The following ELAPOR2 variants were observed in gnomAD, a reference collection of about 807,000 sequenced individuals.
ELAPOR2 encodes the protein endosome-lysosome associated apoptosis and autophagy regulator family member 2.
Under a neutral mutation model 120.7 loss-of-function variants are expected in ELAPOR2, and 89 were observed. That is an observed-to-expected ratio of 0.74 (90% CI 0.62 to 0.88). The LOEUF (loss-of-function observed/expected upper bound fraction) is 0.88, where lower values mean the gene tolerates loss of function less well. Ranked by LOEUF, ELAPOR2 falls within the 40% of genes least tolerant of loss-of-function variation. ELAPOR2 has a pLI of 0.00. For synonymous variants in ELAPOR2, 444 were observed against 444.9 expected (o/e 1.00, Z 0.03); for missense variants, 1,134 against 1,251.6 (o/e 0.91, Z 1.42).
intron 2 of ELAPOR2, 54 bp from the exon 3 acceptor site, chr7:86,947,976 C>T: frequency 2.5e-6 from 3 of 1,212,712 alleles, no homozygotes; most frequent in Non-Finnish European, 3.5e-6. Context: ...CAATTTCCTC[C>T]CCTTCATGCT....
intron 10 of ELAPOR2, among the ~76,000 whole-genome samples, chr7:86,920,330 A>G (rs1225986541): frequency 2.0e-5 from 3 of 152,158 alleles, no homozygotes; most frequent in African/African-American, 7.2e-5. Context: ...TTGAATAGCC[A>G]TAAAGCAGTC....
At chr7:86,976,110 T>C (rs1792275690) in intron 1 of ELAPOR2, among the ~76,000 whole-genome samples, 1 of 152,102 alleles carries the variant, frequency 6.6e-6, no homozygotes, top group African/African-American at 2.4e-5. Context: ...ACAGCACTGA[T>C]TCCACAACAA....
chr7:86,883,614 T>C (rs1026831245), intron 21 of ELAPOR2, among the ~76,000 whole-genome samples: 1 of 152,176 alleles, frequency 6.6e-6, no homozygotes, highest in African/African-American at 2.4e-5. Context: ...AAAAATATCT[T>C]TCTGAGTAAA....
intron 1 of ELAPOR2, among the ~76,000 whole-genome samples, chr7:87,045,842 A>G (rs1794937497): frequency 6.6e-6 from 1 of 152,018 alleles, no homozygotes; most frequent in Non-Finnish European, 1.5e-5. Context: ...GTCCACAGCT[A>G]GTATCATACC....
chr7:87,022,129 G>A (rs762238497), intron 1 of ELAPOR2, among the ~76,000 whole-genome samples: 1 of 151,950 alleles, frequency 6.6e-6, no homozygotes, highest in Non-Finnish European at 1.5e-5. Context: ...TGCACAACAT[G>A]CAGGTTTGTT....
intron 21 of ELAPOR2, among the ~76,000 whole-genome samples, chr7:86,890,200 T>C (rs1173479147): frequency 1.3e-5 from 2 of 151,966 alleles, no homozygotes; most frequent in Admixed American, 6.6e-5. Flanking sequence ...TCTGTACATC[T>C]TAAAAGTGAG....
intron 1 of ELAPOR2, among the ~76,000 whole-genome samples, chr7:87,029,855 A>C (rs1794371194): frequency 6.6e-6 from 1 of 152,202 alleles, no homozygotes; most frequent in Admixed American, 6.5e-5. Flanking sequence ...TAGCTAAAGA[A>C]ATAAGGACAT....
chr7:86,907,849 C>A, intron 17 of ELAPOR2, 78 bp from the exon 18 acceptor site: 1 of 710,438 alleles, frequency 1.4e-6, no homozygotes, highest in South Asian at 2.7e-5. Flanking sequence ...AATAATTGCT[C>A]TCAGACTTCA....
At chr7:86,962,482 C>T (rs948917391) in intron 2 of ELAPOR2, among the ~76,000 whole-genome samples, 8 of 152,146 alleles carry the variant, frequency 5.3e-5, no homozygotes, top group African/African-American at 1.9e-4. Context: ...TTGGTGGGTC[C>T]ACCACTGAGT....
In ELAPOR2 at chr7:86,877,052, T is replaced by C. The variant is rs1346539241; in HGVS notation, c.*3419A>G. On this transcript the variant is annotated 3_prime_UTR_variant, in exon 22 of 22. Coordinates refer to ENST00000450689, the MANE Select transcript of ELAPOR2 (RefSeq NM_001142749.3). ...CCTGCAAAGCCAAAACTATGTACTA[T>C]CTGACCCTTTACAAAAAAAATGTTT... The C allele has an allele frequency of 6.6e-6, 1 of 152,166 alleles. No homozygotes were observed. The highest frequency in any genetic ancestry group is 2.4e-5 in the African/African-American group (1 of 41,462). 9.4% of individuals were successfully genotyped at this position (152,166 alleles called of 1,614,324 possible).
At chr7:87,050,334 C>T (rs542401553) in intron 1 of ELAPOR2, among the ~76,000 whole-genome samples, 13 of 152,228 alleles carry the variant, frequency 8.5e-5, no homozygotes, top group Admixed American at 5.9e-4. Flanking sequence ...GCGGATTGCT[C>T]ATGGCTTGGT....
At chr7:87,007,866 T>C (rs534880642) in intron 1 of ELAPOR2, among the ~76,000 whole-genome samples, 2 of 152,272 alleles carry the variant, frequency 1.3e-5, no homozygotes, top group Admixed American at 6.5e-5. Context: ...TCAGTGCATA[T>C]TGACATAAAT....
chr7:86,891,724 C>T lies in ELAPOR2; in HGVS notation c.3030G>A (p.Lys1010=). Residue 1010 remains lysine (K), a splice_region_variant and synonymous_variant, in exon 21 of 22, where the codon AAG becomes AAA. Transcript: ENST00000450689. ...CACCAGGTTAAAATTCTACTCTCAC[C>T]TTGGTTGCCAAAGATTTGAGTTTTC... ...LLGKLKSLAT[K]EKEDHFESVQ... The T allele has an allele frequency of 6.2e-7, 1 of 1,605,472 alleles. No homozygotes were observed. The highest frequency in any genetic ancestry group is 8.5e-7 in the Non-Finnish European group (1 of 1,175,930).
chr7:86,937,727 C>T (rs1225353138), intron 8 of ELAPOR2, among the ~76,000 whole-genome samples: 2 of 152,066 alleles, frequency 1.3e-5, no homozygotes, highest in Non-Finnish European at 2.9e-5. Context: ...CATTTTAAGG[C>T]TGTGCTCTCT....
At chr7:86,922,629 T>C (rs902630511) in intron 10 of ELAPOR2, among the ~76,000 whole-genome samples, 2 of 151,928 alleles carry the variant, frequency 1.3e-5, no homozygotes, top group Non-Finnish European at 2.9e-5. Flanking sequence ...TTCATAAACA[T>C]GTTAATGACT....
At chr7:87,043,719 T>C (rs1399752596) in intron 1 of ELAPOR2, among the ~76,000 whole-genome samples, 1 of 149,756 alleles carries the variant, frequency 6.7e-6, no homozygotes, top group Non-Finnish European at 1.5e-5. Flanking sequence ...GGATGCCCTC[T>C]CTCCACTCCT....
Position 86,893,022 on chromosome 7 carries a change from C to T in ELAPOR2, c.2764G>A (p.Glu922Lys), listed in dbSNP as rs1788251929. 6.3e-7 allele frequency: 1 copy of T among 1,589,120 alleles called. No individual in the cohort carries two copies. Residue 922 changes from glutamate to lysine, a missense_variant, in exon 20 of 22, where the codon GAA (glutamate) becomes AAA (lysine). By Grantham distance (56) the Glu-to-Lys change is moderately conservative. Around this residue, in one of 3 missense-constraint regions of ELAPOR2, gnomAD observed 831 missense variants for 867.6 expected, o/e 0.96. Transcript: ENST00000450689. The stretch of plus-strand genomic sequence containing the variant: ...ACCTTCAGCCAAAAGTCAACCGTTT[C>T]ACAGGTTGCCAACTTTTTCTCAGGC... Reference protein sequence around the residue: ...SLPEKKLATCETVDFWLKVGA... With the variant: ...SLPEKKLATCKTVDFWLKVGA...
At chr7:86,933,123 A>T (rs1790403600) in intron 8 of ELAPOR2, among the ~76,000 whole-genome samples, 1 of 151,662 alleles carries the variant, frequency 6.6e-6, no homozygotes, top group Non-Finnish European at 1.5e-5. Context: ...GTATATAAAT[A>T]TATCAAATAT....
chr7:87,029,349 C>T (rs1286570087), intron 1 of ELAPOR2, among the ~76,000 whole-genome samples: 1 of 152,144 alleles, frequency 6.6e-6, no homozygotes, highest in African/African-American at 2.4e-5. Context: ...GGATTCTTAA[C>T]CCTGGCTATG....
Sources: gnomAD v4.1 joint callset for allele counts (sites outside exome capture counted in the v4.1 genomes callset) on GRCh38, gnomAD v4.1.1 for gene constraint, gnomAD v4.1.1 regional missense constraint, MANE v1.5 for transcripts, NCBI Gene and HGNC (gene_info 2026-07-23, HGNC 2026-07-21) for gene names.